Variants in CD200R1L observed in about 807,000 individuals in gnomAD.
The protein encoded by CD200R1L is cell surface glycoprotein CD200 receptor 2.
A neutral mutation model predicts 24.8 loss-of-function variants in CD200R1L; 14 were observed. The ratio of observed to expected loss-of-function variants is 0.56; its 90% confidence interval spans 0.37 to 0.88. The LOEUF is 0.88. Ranked by LOEUF, CD200R1L falls within the 40% of genes least tolerant of loss-of-function variation. The pLI, the probability that CD200R1L is intolerant of heterozygous loss-of-function variation, is 0.00. For missense variants in CD200R1L, 299 were observed against 297.8 expected (o/e 1.00, Z -0.03); for synonymous variants, 111 against 109.2 (o/e 1.02, Z -0.11).
Position 112,827,173 on chromosome 3 carries a change from G to A in CD200R1L, c.436C>T (p.Pro146Ser), listed in dbSNP as rs140173974. ...TAVCKAVTGK[P>S]AAQISWIPEG... is the part of the protein sequence containing the mutation. Reference sequence around the variant, plus strand: ...GGGATCCAGGAGATCTGGGCAGCTGGCTTCCCTGTAACTGCCTTGCATACT... The same window carrying A: ...GGGATCCAGGAGATCTGGGCAGCTGACTTCCCTGTAACTGCCTTGCATACT... The change falls in exon 6 of 8, where the codon CCA becomes TCA. Residue 146 changes from proline to serine, a missense_variant. Coordinates refer to ENST00000488794, the MANE Select transcript of CD200R1L (RefSeq NM_001199215.3). 721 of 1,613,614 alleles carry A rather than the reference G, an allele frequency of 4.5e-4. 13 individuals are homozygous for A. In the East Asian group the frequency reaches 0.016, roughly 35 times the overall value.
At chr3:112,837,074 T>C (rs561336541) in intron 3 of CD200R1L, among the ~76,000 whole-genome samples, 3 of 152,366 alleles carry the variant, frequency 2.0e-5, no homozygotes, top group Admixed American at 2.0e-4. Context: ...TATCTATTCA[T>C]GTTTTCTATC....
At chr3:112,822,152 G>T (rs1559920658) in intron 6 of CD200R1L, among the ~76,000 whole-genome samples, 3 of 152,214 alleles carry the variant, frequency 2.0e-5, no homozygotes, top group Admixed American at 1.3e-4. Context: ...AGAAGTAAGT[G>T]GTTGTAATAT....
Position 112,845,906 on chromosome 3 carries a change from G to A in CD200R1L, c.-314C>T. 1 of 563,276 alleles carries A rather than the reference G, an allele frequency of 1.8e-6. No homozygotes were observed. Among genetic ancestry groups the A allele is most frequent in the South Asian group, 2.3e-5 (1 of 43,098 alleles). The allele number at this position is 563,276 out of a possible 1,614,324, so 34.9% of individuals were successfully genotyped here. A position where few individuals can be genotyped will look rare whatever the true frequency, so the allele number is the denominator to read the frequency against. On this transcript the variant is annotated 5_prime_UTR_variant, in exon 2 of 8. Transcript: ENST00000488794. The stretch of plus-strand genomic sequence containing the variant: ...TTTAATTTTTGCTGTCATTCTATAT[G>A]TTTTTGACTGATTAACCACTGATGG...
intron 3 of CD200R1L, among the ~76,000 whole-genome samples, chr3:112,833,034 A>G (rs2107345077): frequency 6.6e-6 from 1 of 152,358 alleles, no homozygotes; most frequent in South Asian, 2.1e-4. Flanking sequence ...ACAAAGATTC[A>G]GGGCCTGACA....
intron 7 of CD200R1L, among the ~76,000 whole-genome samples, chr3:112,818,347 G>A (rs549084070): frequency 6.6e-6 from 1 of 152,268 alleles, no homozygotes; most frequent in African/African-American, 2.4e-5. Flanking sequence ...ACAAGAAAGG[G>A]AATTGAGACA....
At chr3:112,835,947 C>A (rs761130122) in intron 3 of CD200R1L, among the ~76,000 whole-genome samples, 9 of 152,190 alleles carry the variant, frequency 5.9e-5, no homozygotes, top group Non-Finnish European at 1.0e-4. Flanking sequence ...TCTGGCTGCA[C>A]CCCCTCTCTG....
At chr3:112,827,282 C>T (rs1320689672) in intron 5 of CD200R1L, 41 bp from the exon 6 acceptor site, 1 of 1,590,924 alleles carries the variant, frequency 6.3e-7, no homozygotes, top group East Asian at 2.2e-5. Context: ...TCAGTTTTCA[C>T]ATAAAGCATA....
intron 3 of CD200R1L, among the ~76,000 whole-genome samples, chr3:112,835,322 G>A (rs116552780): frequency 0.038 from 5,809 of 152,228 alleles, 133 homozygotes; most frequent in South Asian, 0.058. Context: ...CTCTCTGCAG[G>A]CAGGTCATCC....
In CD200R1L at chr3:112,827,689, A is replaced by G. The variant is rs371023853; in HGVS notation, c.50-5T>C. 3.7e-6 allele frequency: 6 copies of G among 1,608,624 alleles called. No individual in the cohort carries two copies. The African/African-American group carries it at 4.0e-5, about 11-fold the overall frequency. ...GTACAGGCTGTGAAATGTTACCTGG[A>G]CACACACACAAAGGATAATGATATA... On this transcript the variant is annotated splice_region_variant and splice_polypyrimidine_tract_variant and intron_variant, in intron 4 of 7. Coordinates refer to ENST00000488794, the MANE Select transcript of CD200R1L (RefSeq NM_001199215.3).
Position 112,827,451 on chromosome 3 carries a change from C to T in CD200R1L, c.283G>A (p.Asp95Asn). The T allele has an allele frequency of 6.2e-7, 1 of 1,614,154 alleles. No individual in the cohort carries two copies. Among genetic ancestry groups the T allele is most frequent in the Non-Finnish European group, 8.5e-7 (1 of 1,180,018 alleles). The change falls in exon 5 of 8, where the codon GAC becomes AAC. Residue 95 changes from aspartate (D) to asparagine (N), a missense_variant. Coordinates refer to ENST00000488794, the MANE Select transcript of CD200R1L (RefSeq NM_001199215.3). ...QNSDLQIRPV[D>N]TTHDGYYRGI... ...CTGTAATACCCGTCATGAGTGGTGTCCACCGGACGAATCTGAAGGTCCGAA... is the reference window on the plus strand; with the variant it reads ...CTGTAATACCCGTCATGAGTGGTGTTCACCGGACGAATCTGAAGGTCCGAA...
At chr3:112,833,142 G>A (rs1938852946) in intron 3 of CD200R1L, among the ~76,000 whole-genome samples, 1 of 152,170 alleles carries the variant, frequency 6.6e-6, no homozygotes, top group African/African-American at 2.4e-5. Flanking sequence ...CTACCACTGA[G>A]TAGCACAACA....
chr3:112,815,844 G>A lies in CD200R1L; in HGVS notation c.*119C>T, dbSNP rs774110476. ...TCTTTCTTTTCTTCTATCCTACTGA[G>A]TGGCTTCTATCCTTAACATCATCCA... is the stretch of plus-strand genomic sequence containing the variant. On this transcript the variant is annotated 3_prime_UTR_variant, in exon 8 of 8. Transcript: ENST00000488794. The A allele has an allele frequency of 5.6e-6, 4 of 709,962 alleles. No homozygotes were observed. The highest frequency in any genetic ancestry group is 1.0e-5 in the Non-Finnish European group (4 of 388,346). 44.0% of individuals were successfully genotyped at this position (709,962 alleles called of 1,614,324 possible).
intron 2 of CD200R1L, among the ~76,000 whole-genome samples, chr3:112,842,113 G>A (rs1939096769): frequency 6.6e-6 from 1 of 152,160 alleles, no homozygotes. Flanking sequence ...AAAACTAGCT[G>A]GTTGGGCCTG....
At chr3:112,841,162 T>C (rs1389971196) in intron 2 of CD200R1L, 1 of 254,182 alleles carries the variant, frequency 3.9e-6, no homozygotes, top group Admixed American at 4.3e-5. Flanking sequence ...TGGTTTCTAA[T>C]GGTTTAGCAC....
At position 112,827,473 on chromosome 3, in the gene CD200R1L, C is replaced by T. The variant is rs142213153; in HGVS notation, c.261G>A (p.Ser87=). The T allele has an allele frequency of 6.4e-4, 1,041 of 1,614,096 alleles. 13 individuals are homozygous for T. The East Asian group carries it at 0.017, about 27-fold the overall frequency. The change falls in exon 5 of 8, where the codon TCG becomes TCA. Residue 87 remains serine (S), a synonymous_variant. Transcript: ENST00000488794. ...TGTCCACCGGACGAATCTGAAGGTC[C>T]GAATTCTGATCAGGTCTAGAGACCC... is the stretch of plus-strand genomic sequence containing the variant. The part of the protein sequence containing the change: ...ITWVSRPDQN[S]DLQIRPVDTT...
At chr3:112,819,204 G>T (rs897832038) in intron 7 of CD200R1L, among the ~76,000 whole-genome samples, 1 of 151,982 alleles carries the variant, frequency 6.6e-6, no homozygotes, top group Non-Finnish European at 1.5e-5. Context: ...CCCTCAACAC[G>T]TGGGGATTAC....
At chr3:112,817,483 C>T (rs754098722) in intron 7 of CD200R1L, among the ~76,000 whole-genome samples, 2 of 152,108 alleles carry the variant, frequency 1.3e-5, no homozygotes. Context: ...CCCATAAACA[C>T]CTCCCACATA....
intron 3 of CD200R1L, among the ~76,000 whole-genome samples, chr3:112,834,528 GTCAGGGGTAAT>G (rs1318669270): frequency 6.6e-6 from 1 of 152,158 alleles, no homozygotes; most frequent in Non-Finnish European, 1.5e-5. Context: ...GTTGCCTTTT[GTCAGGGGTAAT>G]TTAAGCCTGA....
chr3:112,845,545 G>C (rs1939181485), intron 2 of CD200R1L, 134 bp downstream of exon 2: 1 of 696,530 alleles, frequency 1.4e-6, no homozygotes. Context: ...AGTTTTGCTG[G>C]ATAATGTACA....
Sources: gnomAD v4.1 joint callset for allele counts (sites outside exome capture counted in the v4.1 genomes callset) on GRCh38, gnomAD v4.1.1 for gene constraint, MANE v1.5 for transcripts, NCBI Gene and HGNC (gene_info 2026-07-23, HGNC 2026-07-21) for gene names.